ARHGAP35: variants seen among roughly 807,000 people sequenced by gnomAD.
The protein encoded by ARHGAP35 is rho GTPase-activating protein 35.
ARHGAP35 carries 15 observed loss-of-function variants against 111.1 expected under a neutral mutation model. That is an observed-to-expected ratio of 0.13 (90% CI 0.09 to 0.21). The LOEUF (loss-of-function observed/expected upper bound fraction) is 0.21. Among genes scored for constraint, ARHGAP35 ranks in the 10% least tolerant of loss-of-function variants. The pLI is 1.00. For synonymous variants in ARHGAP35, 643 were observed against 710.3 expected (o/e 0.91, Z 1.51); for missense variants, 1,262 against 1,873.0 (o/e 0.67, Z 6.02).
chr19:46,986,022 T>G lies in ARHGAP35; in HGVS notation c.3827-1967T>G, dbSNP rs1372450611. Among the ~76,000 whole-genome samples the G allele has an allele frequency of 4.6e-5, 7 of 152,188 alleles. No homozygotes were observed. Among genetic ancestry groups the G allele is most frequent in the Admixed American group, 4.6e-4 (7 of 15,274 alleles). ...ACTGACTCCAGGGCCCGGTGCTCTC[T>G]ACTGTCGGCACTGTTTCTGTTGTCC... On this transcript the variant is annotated intron_variant, in intron 3 of 6. Coordinates refer to ENST00000672722, the MANE Select transcript of ARHGAP35 (RefSeq NM_004491.5). The surrounding 1 kb of genome is among the most constrained non-coding windows in gnomAD (Gnocchi z 4.3).
At chr19:46,975,159 C>A (rs887200815) in intron 3 of ARHGAP35, among the ~76,000 whole-genome samples, 4 of 152,164 alleles carry the variant, frequency 2.6e-5, no homozygotes, top group Non-Finnish European at 1.5e-5. Flanking sequence ...CATGAGCCAC[C>A]ATGCCTGGCC....
chr19:46,981,893 T>A (rs763612819), intron 3 of ARHGAP35, among the ~76,000 whole-genome samples: 4 of 151,964 alleles, frequency 2.6e-5, no homozygotes, highest in African/African-American at 7.3e-5. Context: ...TCACTCTGTC[T>A]CCCAAGCTGA....
intron 5 of ARHGAP35, chr19:46,997,831 G>C (rs140026956): frequency 6.6e-6 from 1 of 152,306 alleles, no homozygotes; most frequent in East Asian, 1.9e-4. Context: ...GGCTGGGCGC[G>C]GTGACTCACG....
At chr19:46,942,078 T>C (rs1356629993) in intron 3 of ARHGAP35, among the ~76,000 whole-genome samples, 1 of 152,166 alleles carries the variant, frequency 6.6e-6, no homozygotes, top group Non-Finnish European at 1.5e-5. Flanking sequence ...GGGATGTCTT[T>C]GTGTACCCTT....
At chr19:46,956,187 G>A (rs892513334) in intron 3 of ARHGAP35, among the ~76,000 whole-genome samples, 5 of 152,244 alleles carry the variant, frequency 3.3e-5, no homozygotes, top group South Asian at 2.1e-4. Context: ...GTGTGGTGGC[G>A]TGCACCTGTA....
chr19:46,991,867 G>C (rs935894072), intron 5 of ARHGAP35, among the ~76,000 whole-genome samples: 1 of 152,228 alleles, frequency 6.6e-6, no homozygotes, highest in Non-Finnish European at 1.5e-5. Flanking sequence ...AACTTGACCA[G>C]TTCTTTCTAC....
rs1417919671 is a variant in ARHGAP35, at chr19:46,992,633, G to C, written c.4036+2958G>C. On this transcript the variant is annotated intron_variant, in intron 5 of 6. Transcript: ENST00000672722. The surrounding 1 kb of genome is among the most constrained non-coding windows in gnomAD (Gnocchi z 4.4). ...CTTTTGTGCTGGAAGGGGTGCTAGA[G>C]CTGGCTCCGTCTCAAGCCAGAGGGT... Among the ~76,000 whole-genome samples, 1 of 152,204 alleles carries C rather than the reference G, an allele frequency of 6.6e-6. No homozygotes were observed. Among genetic ancestry groups the C allele is most frequent in the African/African-American group, 2.4e-5 (1 of 41,448 alleles).
intron 1 of ARHGAP35, among the ~76,000 whole-genome samples, chr19:46,871,518 C>G (rs932767231): frequency 5.3e-5 from 8 of 151,556 alleles, no homozygotes; most frequent in African/African-American, 1.9e-4. Flanking sequence ...AATTTTTGTA[C>G]TTTTAGTAGA....
chr19:46,913,480 C>T (rs1190442784), intron 1 of ARHGAP35, among the ~76,000 whole-genome samples: 3 of 152,110 alleles, frequency 2.0e-5, no homozygotes, highest in Non-Finnish European at 2.9e-5. Flanking sequence ...CCTCCTTCTA[C>T]CTTCCAGTTG....
intron 1 of ARHGAP35, among the ~76,000 whole-genome samples, chr19:46,899,737 A>AAAAAC (rs765995712): frequency 6.6e-6 from 1 of 151,654 alleles, no homozygotes; most frequent in Non-Finnish European, 1.5e-5. Context: ...AAAAAAAAAA[A>AAAAAC]GAAGAAGATT....
chr19:46,939,104 C>T (rs2056329167), intron 3 of ARHGAP35, among the ~76,000 whole-genome samples: 1 of 152,064 alleles, frequency 6.6e-6, no homozygotes, highest in Admixed American at 6.6e-5. Flanking sequence ...TTTGTTTAGT[C>T]CATTCTGTAC....
chr19:46,980,432 TG>T (rs1290557264), intron 3 of ARHGAP35, among the ~76,000 whole-genome samples: 1 of 152,174 alleles, frequency 6.6e-6, no homozygotes. Context: ...GACTCATTAA[TG>T]ATGTCATTAC....
Position 46,988,263 on chromosome 19 carries a change from A to C in ARHGAP35, c.3904+197A>C, listed in dbSNP as rs955356477. 19 of 566,680 alleles carry C rather than the reference A, an allele frequency of 3.4e-5. No individual in the cohort carries two copies. Among genetic ancestry groups the C allele is most frequent in the Non-Finnish European group, 6.0e-5 (19 of 315,436 alleles). The allele number at this position is 566,680 out of a possible 1,614,324, so 35.1% of individuals were successfully genotyped here. A position where few individuals can be genotyped will look rare whatever the true frequency, so the allele number is the denominator to read the frequency against. ...CCGGGTCCTGTCAGTGAACCGAAGC[A>C]CCATCCCTGCCCAAGCTGGGTCATG... On this transcript the variant is annotated intron_variant, in intron 4 of 6. Coordinates refer to ENST00000672722, the MANE Select transcript of ARHGAP35 (RefSeq NM_004491.5). The surrounding 1 kb of genome is among the most constrained non-coding windows in gnomAD (Gnocchi z 5.4).
intron 5 of ARHGAP35, among the ~76,000 whole-genome samples, chr19:46,998,016 G>A (rs969419082): frequency 1.3e-5 from 2 of 152,034 alleles, no homozygotes; most frequent in Non-Finnish European, 2.9e-5. Context: ...GCAGGAGAAT[G>A]GTGTGAACTC....
In ARHGAP35 at chr19:46,999,819, G is replaced by A. The variant is rs952368633; in HGVS notation, c.4142+410G>A. 9.1e-6 allele frequency: 2 copies of A among 220,008 alleles called. No homozygotes were observed. Among genetic ancestry groups the A allele is most frequent in the Non-Finnish European group, 1.8e-5 (2 of 111,532 alleles). 13.6% of individuals were successfully genotyped at this position (220,008 alleles called of 1,614,324 possible). ...CTGAAAGTCCTCTCACAGCATTCAC[G>A]TTCCCAGCTGGGGAGAACCGGGACA... is the stretch of plus-strand genomic sequence containing the variant. On this transcript the variant is annotated intron_variant, in intron 6 of 6. Coordinates refer to ENST00000672722, the MANE Select transcript of ARHGAP35 (RefSeq NM_004491.5). The surrounding 1 kb of genome is among the most constrained non-coding windows in gnomAD (Gnocchi z 5.4).
At chr19:46,965,182 A>G (rs1428533180) in intron 3 of ARHGAP35, among the ~76,000 whole-genome samples, 1 of 152,114 alleles carries the variant, frequency 6.6e-6, no homozygotes, top group Non-Finnish European at 1.5e-5. Context: ...GCGTGGTGAC[A>G]GGTGCCTGTA....
Position 46,988,405 on chromosome 19 carries a change from C to T in ARHGAP35, c.3904+339C>T, listed in dbSNP as rs561029502. On this transcript the variant is annotated intron_variant, in intron 4 of 6. Coordinates refer to ENST00000672722, the MANE Select transcript of ARHGAP35 (RefSeq NM_004491.5). The surrounding 1 kb of genome is among the most constrained non-coding windows in gnomAD (Gnocchi z 5.4). ...TCCCATGCAGAGCTAGTTGCAGGCA[C>T]ATGATATACAAGTCGGGTTGAGATG... The T allele has an allele frequency of 6.8e-5, 20 of 295,280 alleles. No individual in the cohort carries two copies. The highest frequency in any genetic ancestry group is 4.4e-4 in the African/African-American group (20 of 45,556). 18.3% of individuals were successfully genotyped at this position (295,280 alleles called of 1,614,324 possible). A position where few individuals can be genotyped will look rare whatever the true frequency, so the allele number is the denominator to read the frequency against.
At chr19:46,927,196 G>A (rs994916043) in intron 2 of ARHGAP35, among the ~76,000 whole-genome samples, 1 of 152,234 alleles carries the variant, frequency 6.6e-6, no homozygotes, top group African/African-American at 2.4e-5. Context: ...TTTTAGGAAG[G>A]AGACATGCAT....
intron 3 of ARHGAP35, chr19:46,948,827 T>G (rs2056395572): frequency 6.6e-6 from 1 of 152,202 alleles, no homozygotes; most frequent in African/African-American, 2.4e-5. Flanking sequence ...GTATTCCATA[T>G]TTTAATTGTG....
Sources: gnomAD v4.1 joint callset for allele counts (sites outside exome capture counted in the v4.1 genomes callset) on GRCh38, gnomAD v4.1.1 for gene constraint, Gnocchi (gnomAD v3.1) non-coding constraint, MANE v1.5 for transcripts, NCBI Gene and HGNC (gene_info 2026-07-23, HGNC 2026-07-21) for gene names.